The following CCSER1 variants were observed in gnomAD, a reference collection of about 807,000 sequenced individuals.
CCSER1 encodes the protein serine-rich coiled-coil domain-containing protein 1.
CCSER1 carries 41 observed loss-of-function variants against 82.0 expected under a neutral mutation model. The observed-to-expected ratio is 0.50, with a 90% CI of 0.39 to 0.65. The LOEUF (loss-of-function observed/expected upper bound fraction) is 0.65, where lower values mean the gene tolerates loss of function less well. Ranked by LOEUF, CCSER1 falls within the 30% of genes least tolerant of loss-of-function variation. The pLI is 0.00. For missense variants in CCSER1, 1,119 were observed against 1,064.2 expected, an observed-to-expected ratio of 1.05 and a Z score of -0.72; for synonymous variants, 414 against 383.9, an observed-to-expected ratio of 1.08 and a Z score of -0.92.
chr4:91,481,226 T>C (rs1757892458), intron 10 of CCSER1, among the ~76,000 whole-genome samples: 1 of 151,826 alleles, frequency 6.6e-6, no homozygotes, highest in African/African-American at 2.4e-5. Flanking sequence ...GTACCACAAA[T>C]TGGGTGGCTC....
intron 9 of CCSER1, among the ~76,000 whole-genome samples, chr4:90,982,176 G>A (rs147823828): frequency 6.6e-6 from 1 of 151,790 alleles, no homozygotes. Flanking sequence ...CAAGATGCTG[G>A]CAGACTGGTA....
At position 91,013,666 on chromosome 4, in the gene CCSER1, G is replaced by C; in HGVS notation, c.2173-72284G>C. Among the ~76,000 whole-genome samples the C allele has an allele frequency of 1.6e-5, 2 of 123,036 alleles. 1 individual carries two copies. Among genetic ancestry groups the C allele is most frequent in the Non-Finnish European group, 3.7e-5 (2 of 53,358 alleles). 80.7% of individuals were successfully genotyped at this position (123,036 alleles called of 152,430 possible). On this transcript the variant is annotated intron_variant, in intron 9 of 10. Coordinates refer to ENST00000509176, the MANE Select transcript of CCSER1 (RefSeq NM_001145065.2). Reference sequence around the variant, plus strand: ...CAACCAGGCTGGAGTGCAGTGGCGCGATCTCGGCTCACTGCAAGCTCCGCC... The same window carrying C: ...CAACCAGGCTGGAGTGCAGTGGCGCCATCTCGGCTCACTGCAAGCTCCGCC...
Position 90,421,387 on chromosome 4 carries a change from A to C in CCSER1, c.1603+21258A>C, listed in dbSNP as rs556519159. On this transcript the variant is annotated intron_variant, in intron 4 of 10. Transcript: ENST00000509176. ...ATAACGTGCTAGCATAACCTAAAGT[A>C]GGCTAAGCCTTGTCTGGATAGTAGA... is the stretch of plus-strand genomic sequence containing the variant. 3.9e-5 allele frequency among the ~76,000 whole-genome samples: 6 copies of C among 152,340 alleles called. No individual in the cohort carries two copies. The East Asian group carries it at 1.2e-3, about 29-fold the overall frequency.
intron 1 of CCSER1, among the ~76,000 whole-genome samples, chr4:90,229,760 A>G (rs1028909410): frequency 1.3e-5 from 2 of 152,238 alleles, no homozygotes; most frequent in Non-Finnish European, 2.9e-5. Context: ...GGCTCAAAAT[A>G]AAAGGATAGA....
At chr4:90,905,775 C>T (rs867635045) in intron 8 of CCSER1, among the ~76,000 whole-genome samples, 2 of 152,080 alleles carry the variant, frequency 1.3e-5, no homozygotes, top group Admixed American at 6.6e-5. Flanking sequence ...TCGGGGCCTG[C>T]GCCTCTTCTG....
intron 3 of CCSER1, among the ~76,000 whole-genome samples, chr4:90,330,689 G>C (rs1250528997): frequency 2.0e-5 from 3 of 152,092 alleles, no homozygotes; most frequent in Non-Finnish European, 4.4e-5. Context: ...TATCTCTCTA[G>C]GAAGTCCTGC....
chr4:91,583,633 G>C (rs1350026353), intron 10 of CCSER1, among the ~76,000 whole-genome samples: 1 of 151,482 alleles, frequency 6.6e-6, no homozygotes, highest in Non-Finnish European at 1.5e-5. Context: ...CTTCTTGCTT[G>C]AATAGACTAG....
chr4:90,214,119 G>A (rs1740564201), intron 1 of CCSER1, among the ~76,000 whole-genome samples: 2 of 152,156 alleles, frequency 1.3e-5, no homozygotes, highest in South Asian at 4.1e-4. Flanking sequence ...CTGGAATGAG[G>A]CGATTAATTT....
At chr4:91,166,271 T>G (rs1298653629) in intron 10 of CCSER1, among the ~76,000 whole-genome samples, 4 of 152,222 alleles carry the variant, frequency 2.6e-5, no homozygotes, top group Non-Finnish European at 5.9e-5. Context: ...GTCTTATAAG[T>G]TGTCATTTAT....
intron 10 of CCSER1, among the ~76,000 whole-genome samples, chr4:91,437,816 C>T (rs1295950798): frequency 6.6e-6 from 1 of 152,222 alleles, no homozygotes; most frequent in Non-Finnish European, 1.5e-5. Flanking sequence ...AAATGGCACA[C>T]CAGGAGATTA....
chr4:90,846,067 A>G (rs1467918624), intron 8 of CCSER1, among the ~76,000 whole-genome samples: 1 of 152,208 alleles, frequency 6.6e-6, no homozygotes. Flanking sequence ...ATTCTATAAC[A>G]AACTGAAGGG....
chr4:90,850,258 C>T (rs1018631617), intron 8 of CCSER1, among the ~76,000 whole-genome samples: 3 of 152,168 alleles, frequency 2.0e-5, no homozygotes, highest in Non-Finnish European at 2.9e-5. Context: ...GGGGTGGAGC[C>T]CTCATGGCTC....
chr4:90,424,222 A>C (rs1560497666), intron 4 of CCSER1, among the ~76,000 whole-genome samples: 1 of 152,076 alleles, frequency 6.6e-6, no homozygotes, highest in Non-Finnish European at 1.5e-5. Flanking sequence ...TGCGTCTTGC[A>C]AGTAATGCTG....
Position 91,314,222 on chromosome 4 carries a change from C to T in CCSER1, c.2217+228228C>T, listed in dbSNP as rs145916452. Among the ~76,000 whole-genome samples the T allele has an allele frequency of 1.4e-4, 22 of 152,036 alleles. No individual in the cohort carries two copies. In the East Asian group the frequency reaches 3.5e-3, roughly 24 times the overall value. On this transcript the variant is annotated intron_variant, in intron 10 of 10. Coordinates refer to ENST00000509176, the MANE Select transcript of CCSER1 (RefSeq NM_001145065.2). ...TTTATTCTCCCTTACTGTATCTTCT[C>T]GCCAAGTGTCTATAGTCAGTGACCA...
At chr4:90,654,609 T>A (rs1729373307) in intron 6 of CCSER1, among the ~76,000 whole-genome samples, 2 of 152,140 alleles carry the variant, frequency 1.3e-5, no homozygotes, top group Non-Finnish European at 2.9e-5. Flanking sequence ...AGAAGCTAGC[T>A]TCCATGACAA....
intron 10 of CCSER1, among the ~76,000 whole-genome samples, chr4:91,429,228 G>T (rs747715949): frequency 6.6e-6 from 1 of 151,512 alleles, no homozygotes; most frequent in African/African-American, 2.4e-5. Context: ...TTCTGTTTTG[G>T]TCTTTCAGAG....
intron 5 of CCSER1, among the ~76,000 whole-genome samples, chr4:90,600,481 GT>G (rs1279712758): frequency 6.6e-6 from 1 of 152,016 alleles, no homozygotes; most frequent in Non-Finnish European, 1.5e-5. Context: ...CTTTAATGAA[GT>G]ATCTTTTCAT....
intron 10 of CCSER1, chr4:91,318,959 G>A (rs78951298): frequency 0.022 from 3,384 of 154,848 alleles, 62 homozygotes; most frequent in Non-Finnish European, 0.031. Context: ...TGTCACGCAT[G>A]GTCTTGACCA....
chr4:91,465,034 C>T (rs1441061269), intron 10 of CCSER1, among the ~76,000 whole-genome samples: 1 of 152,152 alleles, frequency 6.6e-6, no homozygotes, highest in Admixed American at 6.5e-5. Context: ...CTCTCCACCC[C>T]AAATCAACAG....
Sources: allele counts gnomAD v4.1 joint callset (sites outside exome capture counted in the v4.1 genomes callset), GRCh38; gene constraint gnomAD v4.1.1; transcripts MANE v1.5; gene names NCBI Gene and HGNC (gene_info 2026-07-23, HGNC 2026-07-21).